Variants in TAFA1 observed in about 807,000 individuals in gnomAD.
TAFA1 encodes TAFA chemokine like family member 1, also known as chemokine-like protein TAFA-1.
In TAFA1, 4 loss-of-function variants were observed where a neutral mutation model predicts 18.5. That is an observed-to-expected ratio of 0.22 (90% CI 0.11 to 0.49). The LOEUF (loss-of-function observed/expected upper bound fraction) is 0.49. Ranked by LOEUF, TAFA1 falls within the 20% of genes least tolerant of loss-of-function variation. TAFA1 has a pLI of 0.98. For missense variants in TAFA1, 147 were observed against 169.0 expected (o/e 0.87, Z 0.72); for synonymous variants, 56 against 55.2 (o/e 1.01, Z -0.06).
chr3:68,360,467 G>A (rs187461160), intron 2 of TAFA1, among the ~76,000 whole-genome samples: 16 of 151,908 alleles, frequency 1.1e-4, no homozygotes, highest in Non-Finnish European at 2.9e-5. Context: ...CTCTTCACCC[G>A]ATATTTAGAG....
intron 3 of TAFA1, among the ~76,000 whole-genome samples, chr3:68,444,608 A>G (rs4855479): frequency 3.3e-5 from 5 of 151,750 alleles, no homozygotes; most frequent in African/African-American, 1.2e-4. Context: ...TGTAATATAA[A>G]ATGCTGCTGC....
intron 3 of TAFA1, among the ~76,000 whole-genome samples, chr3:68,437,230 C>T (rs34729806): frequency 0.038 from 5,821 of 152,166 alleles, 153 homozygotes; most frequent in Non-Finnish European, 0.063. Flanking sequence ...TTAGAATGTT[C>T]CCAGCTTAAT....
At chr3:68,183,543 G>C (rs141016203) in intron 2 of TAFA1, among the ~76,000 whole-genome samples, 1 of 152,240 alleles carries the variant, frequency 6.6e-6, no homozygotes, top group East Asian at 1.9e-4. Context: ...TCAGAAGACT[G>C]TTGGATCCTG....
intron 3 of TAFA1, among the ~76,000 whole-genome samples, chr3:68,478,257 G>A (rs1172819784): frequency 6.6e-6 from 1 of 152,218 alleles, no homozygotes; most frequent in Non-Finnish European, 1.5e-5. Context: ...AGAATTCTCA[G>A]TGATGTGCTC....
At position 68,204,397 on chromosome 3, in the gene TAFA1, A is replaced by G. The variant is rs565423378; in HGVS notation, c.118+197653A>G. On this transcript the variant is annotated intron_variant, in intron 2 of 4. Transcript: ENST00000478136. ...ACTTACACTGGCCTTTTGGTTAGCA[A>G]CCCCAGAAAAATTAGTTTAACCTTC... 2.0e-5 allele frequency among the ~76,000 whole-genome samples: 3 copies of G among 151,748 alleles called. No individual in the cohort carries two copies. The East Asian group carries it at 5.9e-4, about 30-fold the overall frequency.
At chr3:68,102,505 C>G (rs7636462) in intron 2 of TAFA1, among the ~76,000 whole-genome samples, 1 of 151,934 alleles carries the variant, frequency 6.6e-6, no homozygotes, top group Non-Finnish European at 1.5e-5. Flanking sequence ...TTAAAATGCA[C>G]AGAAGGCTGG....
chr3:68,432,949 C>T (rs139485664), intron 3 of TAFA1, among the ~76,000 whole-genome samples: 1 of 152,130 alleles, frequency 6.6e-6, no homozygotes, highest in African/African-American at 2.4e-5. Flanking sequence ...CCCTAGGTTA[C>T]TTCATTCATT....
intron 2 of TAFA1, among the ~76,000 whole-genome samples, chr3:68,196,521 G>T (rs903299081): frequency 6.6e-6 from 1 of 151,604 alleles, no homozygotes; most frequent in African/African-American, 2.4e-5. Context: ...TTACTATAAG[G>T]AAAAATAAAG....
intron 2 of TAFA1, among the ~76,000 whole-genome samples, chr3:68,161,698 A>G (rs1018357090): frequency 2.6e-5 from 4 of 152,178 alleles, no homozygotes; most frequent in African/African-American, 4.8e-5. Context: ...TTGATAGCAA[A>G]GCTAAGATTT....
intron 3 of TAFA1, among the ~76,000 whole-genome samples, chr3:68,439,237 T>G (rs1384991623): frequency 1.3e-5 from 2 of 151,594 alleles, no homozygotes; most frequent in Non-Finnish European, 2.9e-5. Context: ...CAAATTATTC[T>G]TTTCCTCCCA....
chr3:68,058,109 A>C (rs1355537407), intron 2 of TAFA1, among the ~76,000 whole-genome samples: 1 of 152,198 alleles, frequency 6.6e-6, no homozygotes, highest in African/African-American at 2.4e-5. Flanking sequence ...GGAAGCAGTG[A>C]TGTCTCTACT....
intron 2 of TAFA1, among the ~76,000 whole-genome samples, chr3:68,380,878 T>C (rs2069934385): frequency 1.3e-5 from 2 of 150,332 alleles, no homozygotes; most frequent in South Asian, 2.1e-4. Context: ...GCCTAGGTTT[T>C]CTTCTAGGGT....
chr3:68,429,732 A>G (rs2071131474), intron 3 of TAFA1, among the ~76,000 whole-genome samples: 2 of 151,942 alleles, frequency 1.3e-5, no homozygotes, highest in Middle Eastern at 6.8e-3. Flanking sequence ...AATCCATCTG[A>G]TTGAAATGCA....
At chr3:68,109,213 T>A (rs532263846) in intron 2 of TAFA1, among the ~76,000 whole-genome samples, 1 of 152,170 alleles carries the variant, frequency 6.6e-6, no homozygotes, top group South Asian at 2.1e-4. Flanking sequence ...GAGAAGGAAA[T>A]TGGGTTATAT....
intron 2 of TAFA1, among the ~76,000 whole-genome samples, chr3:68,376,870 T>TC (rs372905287): frequency 1.3e-5 from 2 of 152,260 alleles, no homozygotes; most frequent in African/African-American, 4.8e-5. Flanking sequence ...AGAGAGGTTT[T>TC]CCCCCATGCT....
At chr3:68,080,568 T>C (rs2064884514) in intron 2 of TAFA1, among the ~76,000 whole-genome samples, 1 of 152,204 alleles carries the variant, frequency 6.6e-6, no homozygotes, top group African/African-American at 2.4e-5. Context: ...CTCCTTTGCT[T>C]ATGAAGCATA....
At chr3:68,023,233 T>C (rs1442846149) in intron 2 of TAFA1, among the ~76,000 whole-genome samples, 6 of 152,126 alleles carry the variant, frequency 3.9e-5, no homozygotes, top group Non-Finnish European at 8.8e-5. Context: ...ATCAGCCCCA[T>C]ATCTTTATGC....
At chr3:68,161,770 TTTAC>T (rs2065927821) in intron 2 of TAFA1, among the ~76,000 whole-genome samples, 1 of 152,168 alleles carries the variant, frequency 6.6e-6, no homozygotes, top group African/African-American at 2.4e-5. Context: ...CTGGGCCTTG[TTTAC>T]TTATATTTAG....
At chr3:68,429,155 C>T (rs971777190) in intron 3 of TAFA1, among the ~76,000 whole-genome samples, 8 of 151,814 alleles carry the variant, frequency 5.3e-5, no homozygotes, top group African/African-American at 1.7e-4. Flanking sequence ...TGGATATTTG[C>T]CTTGTTCTCT....
Sources: allele counts gnomAD v4.1 joint callset (sites outside exome capture counted in the v4.1 genomes callset), GRCh38; gene constraint gnomAD v4.1.1; transcripts MANE v1.5; gene names NCBI Gene and HGNC (gene_info 2026-07-23, HGNC 2026-07-21).